KBTBD11: variants seen among roughly 807,000 people sequenced by gnomAD.
The protein encoded by KBTBD11 is kelch repeat and BTB domain containing 11, also known as kelch repeat and BTB domain-containing protein 11.
For missense variants in KBTBD11, 1,390 were observed against 1,001.8 expected (o/e 1.39, Z -5.23); for synonymous variants, 747 against 499.0 (o/e 1.50, Z -6.63).
chr8:1,979,581 A>T (rs889669737), intron 1 of KBTBD11, among the ~76,000 whole-genome samples: 1 of 152,206 alleles, frequency 6.6e-6, no homozygotes, highest in African/African-American at 2.4e-5. Flanking sequence ...GTGAGCCGAG[A>T]TTGCGCCACT....
intron 1 of KBTBD11, among the ~76,000 whole-genome samples, chr8:1,977,164 C>G (rs922495761): frequency 2.6e-5 from 4 of 151,872 alleles, no homozygotes; most frequent in African/African-American, 4.8e-5. Context: ...TCCAGTGTGG[C>G]CCACGGAAGC....
chr8:1,990,454 C>T (rs1425254839), intron 1 of KBTBD11, among the ~76,000 whole-genome samples: 3 of 115,380 alleles, frequency 2.6e-5, no homozygotes, highest in Non-Finnish European at 3.7e-5. Context: ...GGGGCCTTGG[C>T]GCCCTGTCCG....
chr8:1,983,909 C>T (rs1816622647), intron 1 of KBTBD11, among the ~76,000 whole-genome samples: 1 of 152,190 alleles, frequency 6.6e-6, no homozygotes, highest in Admixed American at 6.5e-5. Flanking sequence ...GTGGGTGGAT[C>T]ACCTGAGGTC....
Position 1,991,561 on chromosome 8 carries a change from G to A in KBTBD11, c.-908-8724G>A, listed in dbSNP as rs756280695. 9.9e-5 allele frequency among the ~76,000 whole-genome samples: 15 copies of A among 151,332 alleles called. 1 individual carries two copies. The highest frequency in any genetic ancestry group is 1.5e-4 in the Non-Finnish European group (10 of 68,040). ...TCCAGCTCTGTGATCCATGAGGGCA[G>A]GGCCCTTGCTCCTGCATCAGCCCAG... On this transcript the variant is annotated intron_variant, in intron 1 of 1. Coordinates refer to ENST00000320248, the MANE Select transcript of KBTBD11 (RefSeq NM_014867.3).
At chr8:1,980,828 C>T (rs955404222) in intron 1 of KBTBD11, among the ~76,000 whole-genome samples, 14 of 152,214 alleles carry the variant, frequency 9.2e-5, no homozygotes, top group Admixed American at 6.5e-4. Flanking sequence ...TTACCGTTTT[C>T]GGCACGACTT....
chr8:1,989,611 A>G (rs1185614375), intron 1 of KBTBD11, among the ~76,000 whole-genome samples: 1 of 152,194 alleles, frequency 6.6e-6, no homozygotes, highest in African/African-American at 2.4e-5. Context: ...AGATACAGGA[A>G]GCAGATCAGG....
chr8:1,984,279 G>GTTTTTTTTT (rs71211539), intron 1 of KBTBD11, among the ~76,000 whole-genome samples: 1 of 98,566 alleles, frequency 1.0e-5, no homozygotes, highest in South Asian at 3.6e-4. Context: ...CTCTAAAAAA[G>GTTTTTTTTT]TTTTTTTTTT....
chr8:1,974,976 C>T (rs1816282014), intron 1 of KBTBD11: 2 of 152,534 alleles, frequency 1.3e-5, no homozygotes, highest in African/African-American at 4.8e-5. Flanking sequence ...TTCCCGCCTC[C>T]ATTTCCCACT....
rs565285616 is a variant in KBTBD11 at position 2,006,032 on chromosome 8, C to G, written c.*2968C>G. ...CTTTGTAGAGCTGGATTTGGAACTTCGGGATTTGGTTTCTGAGTCTGTGGA... is the reference window on the plus strand; with the variant it reads ...CTTTGTAGAGCTGGATTTGGAACTTGGGGATTTGGTTTCTGAGTCTGTGGA... On this transcript the variant is annotated 3_prime_UTR_variant, in exon 2 of 2. Coordinates refer to ENST00000320248, the MANE Select transcript of KBTBD11 (RefSeq NM_014867.3). The G allele has an allele frequency of 6.0e-6, 1 of 167,090 alleles. No homozygotes were observed. The highest frequency in any genetic ancestry group is 2.4e-5 in the African/African-American group (1 of 41,448). 10.4% of individuals were successfully genotyped at this position (167,090 alleles called of 1,614,324 possible).
chr8:2,001,500 C>A lies in KBTBD11; in HGVS notation c.308C>A (p.Pro103His). Residue 103 changes from proline to histidine, a missense_variant, in exon 2 of 2, where the codon CCC becomes CAC. Transcript: ENST00000320248. ...GAGGAGCGCGCGTGCCCGGAAGAGC[C>A]CGCGGCGCCGTCCCCCGAACCGCGC... Reference protein sequence around the residue: ...SPEERACPEEPAAPSPEPRVW... With the variant: ...SPEERACPEEHAAPSPEPRVW... The A allele has an allele frequency of 7.2e-7, 1 of 1,392,732 alleles. No homozygotes were observed. The highest frequency in any genetic ancestry group is 9.3e-7 in the Non-Finnish European group (1 of 1,079,336). 86.3% of individuals were successfully genotyped at this position (1,392,732 alleles called of 1,614,324 possible). A position where few individuals can be genotyped will look rare whatever the true frequency, so the allele number is the denominator to read the frequency against.
At chr8:1,999,873 C>T (rs757794265) in intron 1 of KBTBD11, among the ~76,000 whole-genome samples, 8 of 152,186 alleles carry the variant, frequency 5.3e-5, no homozygotes, top group East Asian at 1.9e-4. Flanking sequence ...TCACACAATC[C>T]AGTCATGCTT....
intron 1 of KBTBD11, among the ~76,000 whole-genome samples, chr8:1,987,957 C>T (rs1045543898): frequency 2.0e-5 from 3 of 152,100 alleles, no homozygotes; most frequent in Non-Finnish European, 4.4e-5. Context: ...TGTTCAGTTC[C>T]CACCTTTGAG....
chr8:2,002,197 A>G lies in KBTBD11; in HGVS notation c.1005A>G (p.Gly335=), dbSNP rs1032513461. Residue 335 remains glycine, a synonymous_variant, in exon 2 of 2, where the codon GGA becomes GGG. Coordinates refer to ENST00000320248, the MANE Select transcript of KBTBD11 (RefSeq NM_014867.3). This position sits in a 1 kb window ranked among gnomAD's most constrained non-coding sequence, Gnocchi z 4.1. ...AAVYCFHAAA[G]EWRELTRLPE... ...TCTACTGCTTCCACGCGGCGGCCGG[A>G]GAGTGGCGCGAGCTGACGCGGCTGC... 6.4e-6 allele frequency: 8 copies of G among 1,253,522 alleles called. No homozygotes were observed. Among genetic ancestry groups the G allele is most frequent in the Non-Finnish European group, 7.0e-6 (7 of 1,002,446 alleles). 77.6% of individuals were successfully genotyped at this position (1,253,522 alleles called of 1,614,324 possible). A position where few individuals can be genotyped will look rare whatever the true frequency, so the allele number is the denominator to read the frequency against.
chr8:1,974,994 A>C (rs2129306803), intron 1 of KBTBD11: 1 of 152,446 alleles, frequency 6.6e-6, no homozygotes, highest in Admixed American at 6.5e-5. Context: ...ACTAAGGAGC[A>C]GTTACTCAGG....
In KBTBD11 at chr8:2,002,171, G is replaced by A. The variant is rs1314465092; in HGVS notation, c.979G>A (p.Val327Ile). Residue 327 changes from valine to isoleucine, a missense_variant, in exon 2 of 2, where the codon GTC becomes ATC. Transcript: ENST00000320248. This position sits in a 1 kb window ranked among gnomAD's most constrained non-coding sequence, Gnocchi z 4.1. ...CGCGGACGCGCGCGGGGACGCGGCC[G>A]TCTACTGCTTCCACGCGGCGGCCGG... ...GDADARGDAA[V>I]YCFHAAAGEW... 3.2e-6 allele frequency: 4 copies of A among 1,231,708 alleles called. No homozygotes were observed. In the Admixed American group the frequency reaches 1.3e-4, roughly 40 times the overall value. 76.3% of individuals were successfully genotyped at this position (1,231,708 alleles called of 1,614,324 possible).
At position 2,001,113 on chromosome 8, in the gene KBTBD11, C is replaced by G. The variant is rs1817326616; in HGVS notation, c.-80C>G. 1.6e-6 allele frequency: 2 copies of G among 1,264,334 alleles called. No homozygotes were observed. 78.3% of individuals were successfully genotyped at this position (1,264,334 alleles called of 1,614,324 possible). On this transcript the variant is annotated 5_prime_UTR_variant, in exon 2 of 2. Transcript: ENST00000320248. The stretch of plus-strand genomic sequence containing the variant: ...AGGAAAAGCTGTGAGGCTGGAAACC[C>G]CGGAGTAAGGCTCGACCTTGGCCAG...
intron 1 of KBTBD11, chr8:1,975,459 T>C (rs1331773089): frequency 6.6e-6 from 1 of 152,236 alleles, no homozygotes; most frequent in Admixed American, 6.5e-5. Flanking sequence ...ACAAACACCA[T>C]TGTGTTACAA....
At chr8:1,979,854 C>T (rs1424490326) in intron 1 of KBTBD11, among the ~76,000 whole-genome samples, 10 of 152,260 alleles carry the variant, frequency 6.6e-5, no homozygotes, top group African/African-American at 2.2e-4. Context: ...GTGGCTTCCA[C>T]ACTCCTGGCT....
intron 1 of KBTBD11, among the ~76,000 whole-genome samples, chr8:1,997,185 G>C (rs565224567): frequency 6.6e-6 from 1 of 152,210 alleles, no homozygotes; most frequent in Non-Finnish European, 1.5e-5. Context: ...AAGGATGGAC[G>C]CTCCTCAGGG....
Sources: gnomAD v4.1 joint callset for allele counts (sites outside exome capture counted in the v4.1 genomes callset) on GRCh38, gnomAD v4.1.1 for gene constraint, Gnocchi (gnomAD v3.1) non-coding constraint, MANE v1.5 for transcripts, NCBI Gene and HGNC (gene_info 2026-07-23, HGNC 2026-07-21) for gene names.